The following NR2C2 variants were observed in gnomAD, a reference collection of about 807,000 sequenced individuals.
The protein encoded by NR2C2 is Nuclear hormone receptor TR4.
Under a neutral mutation model 62.9 loss-of-function variants are expected in NR2C2, and 6 were observed. The ratio of observed to expected loss-of-function variants is 0.10; its 90% CI spans 0.05 to 0.19. The LOEUF is 0.19. NR2C2 is among the 10% of genes least tolerant of loss of function. The probability of loss-of-function intolerance (pLI) is 1.00; values close to 1 mark genes in which losing one functional copy is unlikely to be tolerated. For synonymous variants in NR2C2, 272 were observed against 273.8 expected, an observed-to-expected ratio of 0.99 and a Z score of 0.07; for missense variants, 479 against 762.7, an observed-to-expected ratio of 0.63 and a Z score of 4.38.
chr3:15,020,548 C>G (rs892593545), intron 4 of NR2C2, among the ~76,000 whole-genome samples: 2 of 152,208 alleles, frequency 1.3e-5, no homozygotes, highest in African/African-American at 4.8e-5. Flanking sequence ...ATCATGAATT[C>G]ATAAGGCTAC....
At chr3:14,969,931 C>T (rs1252880877) in intron 1 of NR2C2, among the ~76,000 whole-genome samples, 1 of 152,182 alleles carries the variant, frequency 6.6e-6, no homozygotes, top group Non-Finnish European at 1.5e-5. Context: ...AAGGCCGTGT[C>T]CTCAAGGAGG....
chr3:15,015,310 A>G (rs576150787), intron 3 of NR2C2, among the ~76,000 whole-genome samples: 1 of 152,278 alleles, frequency 6.6e-6, no homozygotes, highest in South Asian at 2.1e-4. Context: ...ACTTTCTTAT[A>G]TTGATATCAG....
At chr3:15,026,870 T>C (rs996945842) in intron 7 of NR2C2, 3 of 152,198 alleles carry the variant, frequency 2.0e-5, no homozygotes, top group African/African-American at 7.2e-5. Flanking sequence ...CAGCTAATTT[T>C]GTGTGTTTTG....
intron 1 of NR2C2, among the ~76,000 whole-genome samples, chr3:14,994,492 G>C (rs1174526538): frequency 7.3e-6 from 1 of 137,856 alleles, no homozygotes; most frequent in South Asian, 2.3e-4. Context: ...CGCCAGGCTG[G>C]AGTGCAGTGG....
intron 1 of NR2C2, among the ~76,000 whole-genome samples, chr3:14,965,257 A>G (rs867376175): frequency 1.3e-5 from 2 of 152,316 alleles, no homozygotes; most frequent in Middle Eastern, 3.4e-3. Flanking sequence ...AATTTTTCAA[A>G]TATCTGTGTT....
At chr3:15,039,858 A>G (rs1363892921) in intron 13 of NR2C2, among the ~76,000 whole-genome samples, 1 of 152,240 alleles carries the variant, frequency 6.6e-6, no homozygotes, top group African/African-American at 2.4e-5. Flanking sequence ...AAATATGTGT[A>G]TAAAAATTAG....
At chr3:14,978,807 C>CCTCTTTGGTTCA (rs755254065) in intron 1 of NR2C2, among the ~76,000 whole-genome samples, 1 of 152,144 alleles carries the variant, frequency 6.6e-6, no homozygotes, top group Non-Finnish European at 1.5e-5. Flanking sequence ...GGGTCTGGGA[C>CCTCTTTGGTTCA]CTCTTTGGTT....
At chr3:14,972,591 T>A (rs2040075031) in intron 1 of NR2C2, among the ~76,000 whole-genome samples, 1 of 152,224 alleles carries the variant, frequency 6.6e-6, no homozygotes, top group Admixed American at 6.5e-5. Context: ...CTGTAGGAAT[T>A]CTTTATATAT....
intron 1 of NR2C2, among the ~76,000 whole-genome samples, chr3:14,987,934 C>T (rs1194203522): frequency 6.6e-6 from 1 of 152,166 alleles, no homozygotes; most frequent in African/African-American, 2.4e-5. Context: ...TGCCACATAA[C>T]CTGCTTTGAT....
Position 15,018,068 on chromosome 3 carries a change from G to T in NR2C2, c.376+1814G>T, listed in dbSNP as rs1182961391. On this transcript the variant is annotated intron_variant, in intron 4 of 13. Transcript: ENST00000425241. The stretch of plus-strand genomic sequence containing the variant: ...GGTTGGAGTGCAGTGGTGTGATCTT[G>T]GCTCACTGCAACCTTTGCCTCCCAG... Among the ~76,000 whole-genome samples, 6 of 150,590 alleles carry T rather than the reference G, an allele frequency of 4.0e-5. No homozygotes were observed. In the East Asian group the frequency reaches 1.2e-3, roughly 31 times the overall value.
At chr3:14,973,397 T>A (rs944665305) in intron 1 of NR2C2, among the ~76,000 whole-genome samples, 8 of 150,116 alleles carry the variant, frequency 5.3e-5, no homozygotes, top group Non-Finnish European at 1.0e-4. Flanking sequence ...CAGGCTAATT[T>A]AAAAAAAAAA....
chr3:15,024,679 C>T (rs1331174336), intron 7 of NR2C2, among the ~76,000 whole-genome samples: 2 of 152,118 alleles, frequency 1.3e-5, no homozygotes, highest in South Asian at 2.1e-4. Flanking sequence ...CAGAGATGTT[C>T]GTCAGTCCAA....
Position 15,039,364 on chromosome 3 carries a change from C to T in NR2C2, c.1616+137C>T, listed in dbSNP as rs147722723. 969 of 644,652 alleles carry T rather than the reference C, an allele frequency of 1.5e-3. 5 individuals are homozygous for T. The African/African-American group carries it at 0.016, about 11-fold the overall frequency. The allele number at this position is 644,652 out of a possible 1,614,324, so 39.9% of individuals were successfully genotyped here. A position where few individuals can be genotyped will look rare whatever the true frequency, so the allele number is the denominator to read the frequency against. ...GCCTCCATTGGATCACACTCTAATT[C>T]TTGAGTTTTCTTTGTTTTTTCCAAG... On this transcript the variant is annotated intron_variant, in intron 13 of 13. Transcript: ENST00000425241.
intron 1 of NR2C2, among the ~76,000 whole-genome samples, chr3:14,990,549 A>G (rs1053770080): frequency 1.3e-5 from 2 of 152,168 alleles, no homozygotes; most frequent in African/African-American, 4.8e-5. Flanking sequence ...GGTGAATGGA[A>G]TCTGCACTGG....
At chr3:15,030,215 TTC>T in intron 8 of NR2C2, 58 bp from the exon 9 acceptor site, 2 of 1,382,974 alleles carry the variant, frequency 1.4e-6, no homozygotes, top group Non-Finnish European at 2.0e-6. Flanking sequence ...ATAGCTAGAA[TTC>T]TGTTCCCCCT....
At chr3:14,968,916 A>G (rs1258860088) in intron 1 of NR2C2, among the ~76,000 whole-genome samples, 8 of 147,664 alleles carry the variant, frequency 5.4e-5, no homozygotes, top group Non-Finnish European at 1.0e-4. Flanking sequence ...ATTCTCACTC[A>G]TAGGTGGGAA....
intron 1 of NR2C2, among the ~76,000 whole-genome samples, chr3:14,952,468 C>CA (rs2039395288): frequency 6.6e-6 from 1 of 152,160 alleles, no homozygotes; most frequent in Non-Finnish European, 1.5e-5. Flanking sequence ...AAATACCACA[C>CA]GGGGGGAGTC....
chr3:14,999,218 A>G (rs1204993844), intron 1 of NR2C2, among the ~76,000 whole-genome samples: 1 of 152,188 alleles, frequency 6.6e-6, no homozygotes, highest in East Asian at 1.9e-4. Context: ...CAGGAGGCTG[A>G]AGCAGGAGAA....
rs778162047 is a variant in NR2C2, at chr3:15,037,983, G to A, written c.1373-17G>A. On this transcript the variant is annotated splice_polypyrimidine_tract_variant and intron_variant, in intron 11 of 13. Transcript: ENST00000425241. The stretch of plus-strand genomic sequence containing the variant: ...TTCTTACCAGCCTTTCTCAGGATCT[G>A]TGATGTTGGTTTCTAGATAAACTTT... The A allele has an allele frequency of 1.2e-6, 2 of 1,610,512 alleles. No homozygotes were observed. Among genetic ancestry groups the A allele is most frequent in the South Asian group, 1.1e-5 (1 of 90,488 alleles).
Sources: gnomAD v4.1 joint callset for allele counts (sites outside exome capture counted in the v4.1 genomes callset) on GRCh38, gnomAD v4.1.1 for gene constraint, MANE v1.5 for transcripts, NCBI Gene and HGNC (gene_info 2026-07-23, HGNC 2026-07-21) for gene names.